Variants in ACTA2 observed in about 807,000 individuals in gnomAD.
ACTA2 encodes the protein actin, aortic smooth muscle.
ACTA2 carries 12 observed loss-of-function variants against 39.5 expected under a neutral mutation model. The ratio of observed to expected loss-of-function variants is 0.30; its 90% CI spans 0.19 to 0.49. ACTA2 has a LOEUF of 0.49. ACTA2 is among the 20% of genes least tolerant of loss of function. ACTA2 has a pLI of 0.99. For missense variants in ACTA2, 236 were observed against 498.8 expected, an observed-to-expected ratio of 0.47 and a Z score of 5.02; for synonymous variants, 158 against 180.6, an observed-to-expected ratio of 0.88 and a Z score of 1.00.
At chr10:88,960,903 G>C (rs1321567307) in intron 1 of ACTA2, among the ~76,000 whole-genome samples, 2 of 152,170 alleles carry the variant, frequency 1.3e-5, no homozygotes, top group African/African-American at 4.8e-5. Flanking sequence ...CTGGATCCCT[G>C]CTTGGCTTTG....
intron 1 of ACTA2, among the ~76,000 whole-genome samples, chr10:88,983,630 A>T (rs958333911): frequency 4.1e-5 from 6 of 147,598 alleles, no homozygotes; most frequent in African/African-American, 1.2e-4. Context: ...AAAAAAAAAA[A>T]AAAAAAAAAC....
rs2119685 is a variant in ACTA2 at position 88,937,938 on chromosome 10, T to C, written c.990+123A>G. 0.17 allele frequency: 188,397 copies of C among 1,086,476 alleles called. 17,860 individuals are homozygous for C. The highest frequency in any genetic ancestry group is 0.33 in the African/African-American group (21,496 of 64,308). 67.3% of individuals were successfully genotyped at this position (1,086,476 alleles called of 1,614,324 possible). The stretch of plus-strand genomic sequence containing the variant: ...CTGTAAAATATGAGATTTGTGTCCA[T>C]TACCTACCCCTAAAACCCACAATTG... On this transcript the variant is annotated intron_variant, in intron 8 of 8. Coordinates refer to ENST00000224784, the MANE Select transcript of ACTA2 (RefSeq NM_001613.4).
chr10:88,968,053 C>T (rs1846351976), intron 1 of ACTA2, among the ~76,000 whole-genome samples: 1 of 151,864 alleles, frequency 6.6e-6, no homozygotes, highest in Non-Finnish European at 1.5e-5. Flanking sequence ...TACTTGTGAC[C>T]TTAAGGTGTG....
At chr10:88,991,155 C>T (rs985183585) in exon 1 of ACTA2, 2 of 596,156 alleles carry the variant, frequency 3.4e-6, no homozygotes, top group East Asian at 2.8e-5. Flanking sequence ...GTGCTGACCC[C>T]GCTGGGCAGG....
At chr10:88,935,991 C>T (rs913478365) in intron 8 of ACTA2, among the ~76,000 whole-genome samples, 1 of 152,194 alleles carries the variant, frequency 6.6e-6, no homozygotes, top group African/African-American at 2.4e-5. Context: ...ATGGTTTAGG[C>T]ACAGAGAACA....
intron 1 of ACTA2, among the ~76,000 whole-genome samples, chr10:88,968,544 G>T (rs920992586): frequency 6.6e-6 from 1 of 152,104 alleles, no homozygotes; most frequent in African/African-American, 2.4e-5. Context: ...CATGTTTGTC[G>T]GTAGAGTACT....
intron 6 of ACTA2, chr10:88,940,033 T>C (rs1845819316): frequency 5.5e-6 from 2 of 361,586 alleles, no homozygotes; most frequent in Non-Finnish European, 1.1e-5. Flanking sequence ...GCAGGATAAC[T>C]ACTCTGTGTT....
intron 5 of ACTA2, 131 bp downstream of exon 5, chr10:88,941,654 C>A: frequency 2.2e-6 from 2 of 918,128 alleles, no homozygotes; most frequent in Non-Finnish European, 3.4e-6. Flanking sequence ...AGAAGAAGAT[C>A]TTTTAGGGCT....
upstream of ACTA2, among the ~76,000 whole-genome samples, chr10:88,953,643 C>T (rs1293592648): frequency 6.6e-6 from 1 of 152,156 alleles, no homozygotes; most frequent in Non-Finnish European, 1.5e-5. Flanking sequence ...GGTTCTACGT[C>T]CCCACCCAAA....
intron 1 of ACTA2, among the ~76,000 whole-genome samples, chr10:88,964,727 C>T (rs1050459584): frequency 2.0e-5 from 3 of 152,154 alleles, no homozygotes; most frequent in African/African-American, 7.2e-5. Context: ...GTGGCATATT[C>T]AGCTACCCTT....
chr10:88,963,598 C>A (rs979907170), intron 1 of ACTA2, among the ~76,000 whole-genome samples: 1 of 152,164 alleles, frequency 6.6e-6, no homozygotes, highest in Non-Finnish European at 1.5e-5. Flanking sequence ...CCTATTTAAA[C>A]CAATAGCAAA....
At chr10:88,962,437 G>T (rs1389319604) in intron 1 of ACTA2, among the ~76,000 whole-genome samples, 1 of 151,996 alleles carries the variant, frequency 6.6e-6, no homozygotes, top group Non-Finnish European at 1.5e-5. Context: ...AGGATTAGTG[G>T]TTTAAAAAAA....
Position 88,990,317 on chromosome 10 carries a change from G to A in ACTA2, c.-24+622C>T, listed in dbSNP as rs1847084533. Among the ~76,000 whole-genome samples, 1 of 152,184 alleles carries A rather than the reference G, an allele frequency of 6.6e-6. No individual in the cohort carries two copies. Among genetic ancestry groups the A allele is most frequent in the Admixed American group, 6.5e-5 (1 of 15,280 alleles). ...AATTAGCCAAGGCTCCTGTACCCAG[G>A]CAGGACCTCTGCGCTCTGAGCTCCA... On this transcript the variant is annotated intron_variant, in intron 1 of 4. Coordinates refer to the ACTA2 transcript ENST00000415557. The surrounding 1 kb of genome is among the most constrained non-coding windows in gnomAD (Gnocchi z 4.9).
chr10:88,986,925 T>C (rs1846910981), intron 1 of ACTA2, among the ~76,000 whole-genome samples: 1 of 152,234 alleles, frequency 6.6e-6, no homozygotes, highest in Non-Finnish European at 1.5e-5. Context: ...ATTTATTGTG[T>C]GTACTAGGTG....
intron 1 of ACTA2, among the ~76,000 whole-genome samples, chr10:88,964,148 T>C (rs1422534994): frequency 2.6e-5 from 4 of 152,138 alleles, no homozygotes; most frequent in African/African-American, 9.7e-5. Flanking sequence ...TTTAGTTTAG[T>C]TTCACATATT....
chr10:88,947,807 G>C (rs992369658), intron 2 of ACTA2, among the ~76,000 whole-genome samples: 2 of 152,088 alleles, frequency 1.3e-5, no homozygotes, highest in African/African-American at 4.8e-5. Flanking sequence ...CCTTTAAACT[G>C]TACTTTTAAA....
chr10:88,986,412 G>A (rs545488769), intron 1 of ACTA2, among the ~76,000 whole-genome samples: 2 of 152,326 alleles, frequency 1.3e-5, no homozygotes, highest in South Asian at 2.1e-4. Flanking sequence ...TAACCCAATT[G>A]CTGTCTGCTT....
At chr10:88,956,475 G>A (rs1846140739), upstream of ACTA2, among the ~76,000 whole-genome samples, 1 of 152,104 alleles carries the variant, frequency 6.6e-6, no homozygotes, top group African/African-American at 2.4e-5. Context: ...GGATAATCGA[G>A]GATAGTTCAA....
intron 2 of ACTA2, chr10:88,948,393 G>A: frequency 5.5e-6 from 1 of 182,302 alleles, no homozygotes; most frequent in East Asian, 1.3e-4. Context: ...AATTGCATTT[G>A]GTATCGATGC....
Sources: gnomAD v4.1 joint callset for allele counts (sites outside exome capture counted in the v4.1 genomes callset) on GRCh38, gnomAD v4.1.1 for gene constraint, Gnocchi (gnomAD v3.1) non-coding constraint, MANE v1.5 for transcripts, NCBI Gene and HGNC (gene_info 2026-07-23, HGNC 2026-07-21) for gene names.